Variants in ASCL2 observed in about 807,000 individuals in gnomAD.
The protein encoded by ASCL2 is achaete-scute homolog 2.
In ASCL2, 6 loss-of-function variants were observed where a neutral mutation model predicts 5.1. The observed-to-expected ratio is 1.17, with a 90% CI of 0.64 to 2.31. The LOEUF (loss-of-function observed/expected upper bound fraction) is 2.31, where lower values mean the gene tolerates loss of function less well. Among genes scored for constraint, ASCL2 ranks in the 30% most tolerant of loss-of-function variants. ASCL2 has a pLI of 0.00. For missense variants in ASCL2, 320 were observed against 310.3 expected (o/e 1.03, Z -0.23); for synonymous variants, 174 against 157.3 (o/e 1.11, Z -0.80).
intron 1 of ASCL2, 62 bp downstream of exon 1, chr11:2,269,671 G>GGCCCC: frequency 3.7e-5 from 39 of 1,042,524 alleles, no homozygotes; most frequent in South Asian, 8.9e-5. Flanking sequence ...CGCCGGGCCT[G>GGCCCC]CCCACCCCGT....
At position 2,270,072 on chromosome 11, in the gene ASCL2, G is replaced by C; in HGVS notation, c.261C>G (p.Ser87Arg). The change falls in exon 1 of 2, where the codon AGC (serine) becomes AGG (arginine). Residue 87 changes from serine to arginine, a missense_variant. Transcript: ENST00000331289. ...VPHGGASKKL[S>R]KVETLRSAVE... Reference sequence around the variant, plus strand: ...CGGCTGAGCGCAGCGTCTCCACCTTGCTCAGCTTCTTGCTGGCGCCGCCGT... The same window carrying C: ...CGGCTGAGCGCAGCGTCTCCACCTTCCTCAGCTTCTTGCTGGCGCCGCCGT... The C allele has an allele frequency of 6.7e-7, 1 of 1,492,984 alleles. No individual in the cohort carries two copies. Among genetic ancestry groups the C allele is most frequent in the Non-Finnish European group, 8.9e-7 (1 of 1,125,076 alleles). The allele number at this position is 1,492,984 out of a possible 1,614,324, so 92.5% of individuals were successfully genotyped here.
At position 2,269,919 on chromosome 11, in the gene ASCL2, C is replaced by T. The variant is rs1266510059; in HGVS notation, c.414G>A (p.Pro138=). 4 of 1,282,158 alleles carry T rather than the reference C, an allele frequency of 3.1e-6. No homozygotes were observed. Among genetic ancestry groups the T allele is most frequent in the African/African-American group, 1.6e-5 (1 of 64,516 alleles). 79.4% of individuals were successfully genotyped at this position (1,282,158 alleles called of 1,614,324 possible). Residue 138 remains proline, a synonymous_variant, in exon 1 of 2, where the codon CCG becomes CCA. Coordinates refer to ENST00000331289, the MANE Select transcript of ASCL2 (RefSeq NM_005170.3). ...SAPRGPPGTT[P]VAASPSRASS... ...AAGCGCGGGAGGGCGAGGCGGCGAC[C>T]GGGGTGGTCCCTGGCGGCCCGCGGG...
rs1847238097 is a variant in ASCL2 at position 2,270,496 on chromosome 11, G to C, written c.-164C>G. The stretch of plus-strand genomic sequence containing the variant: ...ACGCGTCCTAGGTCGTCTGGAGCCC[G>C]GGGATAGGAGGCCTAGTGGTGGCAG... On this transcript the variant is annotated 5_prime_UTR_variant, in exon 1 of 2. Coordinates refer to ENST00000331289, the MANE Select transcript of ASCL2 (RefSeq NM_005170.3). 8.4e-7 allele frequency: 1 copy of C among 1,193,826 alleles called. No homozygotes were observed. The highest frequency in any genetic ancestry group is 1.1e-6 in the Non-Finnish European group (1 of 942,124). 74.0% of individuals were successfully genotyped at this position (1,193,826 alleles called of 1,614,324 possible).
rs755293969 is a variant in ASCL2 at position 2,270,132 on chromosome 11, G to C, written c.201C>G (p.Asn67Lys). 6.5e-7 allele frequency: 1 copy of C among 1,529,572 alleles called. No individual in the cohort carries two copies. The highest frequency in any genetic ancestry group is 8.7e-7 in the Non-Finnish European group (1 of 1,145,420). The allele number at this position is 1,529,572 out of a possible 1,614,324, so 94.8% of individuals were successfully genotyped here. The change falls in exon 1 of 2, where the codon AAC (asparagine) becomes AAG (lysine). Residue 67 changes from asparagine (N) to lysine (K), a missense_variant. Coordinates refer to ENST00000331289, the MANE Select transcript of ASCL2 (RefSeq NM_005170.3). ...GCTGCCGCAGCGCCTGGAAGCCCAA[G>C]TTCACCAGCTTCACGCGGTTGCGCT... Reference protein sequence around the residue: ...ERERNRVKLVNLGFQALRQHV... With the variant: ...ERERNRVKLVKLGFQALRQHV...
Position 2,270,056 on chromosome 11 carries a change from G to T in ASCL2, c.277C>A (p.Arg93Ser). ...SKKLSKVETL[R>S]SAVEYIRALQ... ...GCGCGGATGTACTCCACGGCTGAGC[G>T]CAGCGTCTCCACCTTGCTCAGCTTC... is the stretch of plus-strand genomic sequence containing the variant. Residue 93 changes from arginine (R) to serine (S), a missense_variant, in exon 1 of 2, where the codon CGC becomes AGC. Transcript: ENST00000331289. The T allele has an allele frequency of 6.8e-7, 1 of 1,475,004 alleles. No homozygotes were observed. 91.4% of individuals were successfully genotyped at this position (1,475,004 alleles called of 1,614,324 possible).
chr11:2,269,256 T>TG (rs1381614675), intron 1 of ASCL2, 130 bp from the exon 2 acceptor site: 1 of 151,724 alleles, frequency 6.6e-6, no homozygotes, highest in African/African-American at 2.4e-5. Context: ...CGGTTGGTTT[T>TG]GGAGTCTTGA....
Position 2,269,743 on chromosome 11 carries a change from G to A in ASCL2, c.*8C>T. 2.2e-6 allele frequency: 3 copies of A among 1,382,792 alleles called. No individual in the cohort carries two copies. Among genetic ancestry groups the A allele is most frequent in the Non-Finnish European group, 1.9e-6 (2 of 1,061,722 alleles). The allele number at this position is 1,382,792 out of a possible 1,614,324, so 85.7% of individuals were successfully genotyped here. A position where few individuals can be genotyped will look rare whatever the true frequency, so the allele number is the denominator to read the frequency against. On this transcript the variant is annotated 3_prime_UTR_variant, in exon 1 of 2. Transcript: ENST00000331289. ...CCTCCCGGCTGTTACCTCATAGGTCGAGGGCGCTCAGTAGCCCCCTAACCA... is the reference window on the plus strand; with the variant it reads ...CCTCCCGGCTGTTACCTCATAGGTCAAGGGCGCTCAGTAGCCCCCTAACCA...
chr11:2,269,162 A>ACGCGGG (rs1847218354), intron 1 of ASCL2, 36 bp from the exon 2 acceptor site: 2 of 151,742 alleles, frequency 1.3e-5, no homozygotes, highest in South Asian at 4.1e-4. Context: ...ACGCGCGTCA[A>ACGCGGG]CGCGGGCGCG....
intron 1 of ASCL2, among the ~76,000 whole-genome samples, chr11:2,269,523 G>A (rs899812258): frequency 3.9e-5 from 6 of 152,192 alleles, no homozygotes; most frequent in African/African-American, 1.4e-4. Context: ...AGCCGCGAGG[G>A]GAAGTTTTGC....
chr11:2,270,252 C>G lies in ASCL2; in HGVS notation c.81G>C (p.Ala27=), dbSNP rs1362618258. 3 of 1,406,256 alleles carry G rather than the reference C, an allele frequency of 2.1e-6. No homozygotes were observed. The highest frequency in any genetic ancestry group is 2.8e-6 in the Non-Finnish European group (3 of 1,086,412). The allele number at this position is 1,406,256 out of a possible 1,614,324, so 87.1% of individuals were successfully genotyped here. The change falls in exon 1 of 2, where the codon GCG becomes GCC. Residue 27 remains alanine (A), a synonymous_variant. Coordinates refer to ENST00000331289, the MANE Select transcript of ASCL2 (RefSeq NM_005170.3). ...GGCTGCAGCGCAACAGTTCCGGGGA[C>G]GCGGGTCTCCGCCGGGCAGCGCAGC... The part of the protein sequence containing the change: ...PVGCAARRRP[A]SPELLRCSRR...
chr11:2,270,547 C>CACGA lies in ASCL2; in HGVS notation c.-216_-215insTCGT. 2.2e-6 allele frequency: 2 copies of CACGA among 927,002 alleles called. No homozygotes were observed. The highest frequency in any genetic ancestry group is 2.9e-6 in the Non-Finnish European group (2 of 700,632). 57.4% of individuals were successfully genotyped at this position (927,002 alleles called of 1,614,324 possible). On this transcript the variant is annotated 5_prime_UTR_variant, in exon 1 of 2. Transcript: ENST00000331289. ...GCCGTACGCGCCAGGGAGCGTGGGACGCTCGTGTCCCGCGCGTGCGGCCGG... is the reference window on the plus strand; with the variant it reads ...GCCGTACGCGCCAGGGAGCGTGGGACACGAGCTCGTGTCCCGCGCGTGCGGCCGG...
At chr11:2,269,674 C>A (rs1211111805) in intron 1 of ASCL2, 59 bp downstream of exon 1, 2 of 1,030,054 alleles carry the variant, frequency 1.9e-6, no homozygotes, top group African/African-American at 1.7e-5. Context: ...CGGGCCTGCC[C>A]ACCCCGTCCC....
intron 1 of ASCL2, 49 bp downstream of exon 1, chr11:2,269,684 C>CA: frequency 2.6e-6 from 3 of 1,174,980 alleles, no homozygotes; most frequent in Non-Finnish European, 3.3e-6. Flanking sequence ...CACCCCGTCC[C>CA]TCCACCCCGG....
In ASCL2 at chr11:2,270,091, C is replaced by CCG; in HGVS notation, c.240_241dup (p.Gly81AlafsTer7). 1 of 1,500,992 alleles carries CCG rather than the reference C, an allele frequency of 6.7e-7. No individual in the cohort carries two copies. The highest frequency in any genetic ancestry group is 8.9e-7 in the Non-Finnish European group (1 of 1,129,548). 93.0% of individuals were successfully genotyped at this position (1,500,992 alleles called of 1,614,324 possible). A position where few individuals can be genotyped will look rare whatever the true frequency, so the allele number is the denominator to read the frequency against. On this transcript the variant is annotated frameshift_variant, in exon 1 of 2. Transcript: ENST00000331289. LOFTEE classifies it high-confidence loss of function. ...CACCTTGCTCAGCTTCTTGCTGGCG[C>CCG]CGCCGTGCGGCACGTGCTGCCGCAG...
Position 2,269,844 on chromosome 11 carries a change from G to A in ASCL2, c.489C>T (p.Ser163=), listed in dbSNP as rs1289073518. The A allele has an allele frequency of 7.2e-7, 1 of 1,387,698 alleles. No homozygotes were observed. The highest frequency in any genetic ancestry group is 1.5e-5 in the African/African-American group (1 of 66,006). The allele number at this position is 1,387,698 out of a possible 1,614,324, so 86.0% of individuals were successfully genotyped here. ...AGCCGCTGTCGTCCGACGAGTAGGC[G>A]GAACGCGGGGAGCCGGGCTCCGAGC... ...GGSSEPGSPR[S]AYSSDDSGCE... The change falls in exon 1 of 2, where the codon TCC becomes TCT. Residue 163 remains serine (S), a synonymous_variant. Transcript: ENST00000331289.
Position 2,270,451 on chromosome 11 carries a change from G to A in ASCL2, c.-119C>T. ...CCAAGGGGGCTTCTGGCACGGCGCC[G>A]CCAGGCAACTCCCCAGGGCACGCGT... On this transcript the variant is annotated 5_prime_UTR_variant, in exon 1 of 2. Transcript: ENST00000331289. 2 of 1,253,620 alleles carry A rather than the reference G, an allele frequency of 1.6e-6. No homozygotes were observed. Among genetic ancestry groups the A allele is most frequent in the Non-Finnish European group, 1.0e-6 (1 of 994,084 alleles). 77.7% of individuals were successfully genotyped at this position (1,253,620 alleles called of 1,614,324 possible). A position where few individuals can be genotyped will look rare whatever the true frequency, so the allele number is the denominator to read the frequency against.
rs1847210811 is a variant in ASCL2, at chr11:2,268,563, T to C, written c.*582A>G. On this transcript the variant is annotated 3_prime_UTR_variant, in exon 2 of 2. Coordinates refer to ENST00000331289, the MANE Select transcript of ASCL2 (RefSeq NM_005170.3). The surrounding 1 kb of genome is among the most constrained non-coding windows in gnomAD (Gnocchi z 4.5). The stretch of plus-strand genomic sequence containing the variant: ...AAGAGGTGTGCCCCACACAGGCTTC[T>C]CCCTAGCAGAGCAGCAGTGCCCACA... 1 of 152,352 alleles carries C rather than the reference T, an allele frequency of 6.6e-6. No individual in the cohort carries two copies. Among genetic ancestry groups the C allele is most frequent in the African/African-American group, 2.4e-5 (1 of 41,564 alleles). 9.4% of individuals were successfully genotyped at this position (152,352 alleles called of 1,614,324 possible).
intron 1 of ASCL2, 66 bp downstream of exon 1, chr11:2,269,667 G>T: frequency 1.6e-6 from 2 of 1,250,366 alleles, no homozygotes; most frequent in Non-Finnish European, 2.0e-6. Flanking sequence ...GACCCGCCGG[G>T]CCTGCCCACC....
At position 2,268,540 on chromosome 11, in the gene ASCL2, G is replaced by A. The variant is rs1847210640; in HGVS notation, c.*605C>T. 6.6e-6 allele frequency: 1 copy of A among 152,222 alleles called. No homozygotes were observed. The highest frequency in any genetic ancestry group is 1.5e-5 in the Non-Finnish European group (1 of 68,070). The allele number at this position is 152,222 out of a possible 1,614,324, so 9.4% of individuals were successfully genotyped here. ...TTTATAAAGTTCACGCTCCCTTGAAGAGGTGTGCCCCACACAGGCTTCTCC... is the reference window on the plus strand; with the variant it reads ...TTTATAAAGTTCACGCTCCCTTGAAAAGGTGTGCCCCACACAGGCTTCTCC... On this transcript the variant is annotated 3_prime_UTR_variant, in exon 2 of 2. Coordinates refer to ENST00000331289, the MANE Select transcript of ASCL2 (RefSeq NM_005170.3). The surrounding 1 kb of genome is among the most constrained non-coding windows in gnomAD (Gnocchi z 4.5).
Sources: allele counts gnomAD v4.1 joint callset (sites outside exome capture counted in the v4.1 genomes callset), GRCh38; gene constraint gnomAD v4.1.1; non-coding constraint Gnocchi (gnomAD v3.1); transcripts MANE v1.5; gene names NCBI Gene and HGNC (gene_info 2026-07-23, HGNC 2026-07-21).